The following B4GALT6 variants were observed in gnomAD, a reference collection of about 807,000 sequenced individuals.
B4GALT6 encodes the protein UDP-Gal:beta-GlcNAc beta-1,4-galactosyltransferase 6.
Under a neutral mutation model 46.3 loss-of-function variants are expected in B4GALT6, and 14 were observed. That is an observed-to-expected ratio of 0.30 (90% CI 0.20 to 0.47). The LOEUF (loss-of-function observed/expected upper bound fraction) is 0.47, where lower values mean the gene tolerates loss of function less well. Among genes scored for constraint, B4GALT6 ranks in the 20% least tolerant of loss-of-function variants. The probability of loss-of-function intolerance (pLI) is 0.99; values close to 1 mark genes in which losing one functional copy is unlikely to be tolerated. For synonymous variants in B4GALT6, 168 were observed against 162.0 expected, an observed-to-expected ratio of 1.04 and a Z score of -0.28; for missense variants, 386 against 480.1, an observed-to-expected ratio of 0.80 and a Z score of 1.83.
intron 2 of B4GALT6, among the ~76,000 whole-genome samples, chr18:31,661,562 A>C (rs1442414146): frequency 6.6e-6 from 1 of 152,182 alleles, no homozygotes; most frequent in African/African-American, 2.4e-5. Context: ...ACACACACAC[A>C]GAGTTCATAT....
At chr18:31,669,396 T>C (rs560607625) in intron 1 of B4GALT6, among the ~76,000 whole-genome samples, 3 of 152,348 alleles carry the variant, frequency 2.0e-5, no homozygotes, top group African/African-American at 7.2e-5. Context: ...CTTTTATTTT[T>C]ATAAGACTTG....
At chr18:31,654,261 C>A (rs1243692634) in intron 3 of B4GALT6, among the ~76,000 whole-genome samples, 1 of 152,200 alleles carries the variant, frequency 6.6e-6, no homozygotes, top group Non-Finnish European at 1.5e-5. Context: ...TTGACATTTT[C>A]CATTTCTACC....
chr18:31,664,530 T>TC (rs570607284), intron 2 of B4GALT6, among the ~76,000 whole-genome samples: 1 of 83,460 alleles, frequency 1.2e-5, no homozygotes, highest in Non-Finnish European at 2.1e-5. Context: ...AGGATTTTCC[T>TC]TTTTTTTTTT....
At chr18:31,691,571 GT>G in the B4GALT6 span, among the ~76,000 whole-genome samples, 4 of 152,094 alleles carry the variant, frequency 2.6e-5, no homozygotes, top group East Asian at 5.8e-4. Flanking sequence ...ACAGAGTATA[GT>G]TTTTAATGAA....
intron 4 of B4GALT6, 97 bp downstream of exon 4, chr18:31,645,258 G>A (rs1406168514): frequency 3.3e-6 from 5 of 1,494,160 alleles, no homozygotes; most frequent in Non-Finnish European, 4.6e-6. Flanking sequence ...AATTTATCAA[G>A]ACTTAAAGAC....
upstream of B4GALT6, among the ~76,000 whole-genome samples, chr18:31,688,884 C>T (rs2144774289): frequency 6.6e-6 from 1 of 152,300 alleles, no homozygotes; most frequent in South Asian, 2.1e-4. Flanking sequence ...TATCTTCACA[C>T]ACATTATTTT....
intron 2 of B4GALT6, among the ~76,000 whole-genome samples, chr18:31,665,223 A>C (rs1362003192): frequency 1.3e-5 from 2 of 152,232 alleles, no homozygotes; most frequent in Non-Finnish European, 2.9e-5. Flanking sequence ...TGAGACCATA[A>C]AGGGTACAAC....
intron 4 of B4GALT6, among the ~76,000 whole-genome samples, chr18:31,641,701 T>C (rs2073932683): frequency 6.6e-6 from 1 of 152,224 alleles, no homozygotes; most frequent in Non-Finnish European, 1.5e-5. Flanking sequence ...AAACAACACT[T>C]CATCCTCCTG....
chr18:31,637,820 C>T lies in B4GALT6; in HGVS notation c.588+824G>A, dbSNP rs118105679. Among the ~76,000 whole-genome samples, 95 of 152,262 alleles carry T rather than the reference C, an allele frequency of 6.2e-4. 2 individuals carry two copies. The East Asian group carries it at 0.012, about 19-fold the overall frequency. On this transcript the variant is annotated intron_variant, in intron 5 of 8. Transcript: ENST00000306851. ...TGCGAATATAACCAAGGTAACTGTA[C>T]GGTGCTTTGGTATAATTTAGAAAAG...
upstream of B4GALT6, among the ~76,000 whole-genome samples, chr18:31,688,258 T>TACATATATGTATATATATAC (rs2029995508): frequency 6.7e-6 from 1 of 148,598 alleles, no homozygotes; most frequent in Non-Finnish European, 1.5e-5. Flanking sequence ...TATATATATA[T>TACATATATGTATATATATAC]ACATATATAT....
the B4GALT6 span, among the ~76,000 whole-genome samples, chr18:31,715,717 ATT>A: frequency 6.9e-6 from 1 of 144,586 alleles, no homozygotes; most frequent in Admixed American, 6.9e-5. Context: ...CACCTGGCTA[ATT>A]TTTTTTTTTT....
At chr18:31,687,322 G>T (rs966277948), upstream of B4GALT6, among the ~76,000 whole-genome samples, 2 of 152,202 alleles carry the variant, frequency 1.3e-5, no homozygotes, top group African/African-American at 4.8e-5. Flanking sequence ...TCTCCTTGCA[G>T]TCACTCTCTG....
chr18:31,669,042 C>T (rs904797737), intron 1 of B4GALT6, among the ~76,000 whole-genome samples: 1 of 150,716 alleles, frequency 6.6e-6, no homozygotes, highest in African/African-American at 2.4e-5. Context: ...AAGTTGTAAT[C>T]AGACACCTGT....
upstream of B4GALT6, among the ~76,000 whole-genome samples, chr18:31,690,063 T>C (rs2030059250): frequency 6.6e-6 from 1 of 152,188 alleles, no homozygotes; most frequent in South Asian, 2.1e-4. Flanking sequence ...CTTGACACAG[T>C]TCAAAAGAAT....
chr18:31,635,436 T>C (rs887048039), intron 5 of B4GALT6, among the ~76,000 whole-genome samples: 3 of 152,178 alleles, frequency 2.0e-5, no homozygotes, highest in East Asian at 1.9e-4. Flanking sequence ...ACAGTACAGA[T>C]TGTTACATTA....
At chr18:31,702,711 G>A in the B4GALT6 span, among the ~76,000 whole-genome samples, 1 of 152,222 alleles carries the variant, frequency 6.6e-6, no homozygotes, top group Non-Finnish European at 1.5e-5. Flanking sequence ...TGGAAGAAGA[G>A]AGTAGCTGGA....
At chr18:31,629,676 C>A (rs1322170475) in intron 6 of B4GALT6, among the ~76,000 whole-genome samples, 1 of 149,122 alleles carries the variant, frequency 6.7e-6, no homozygotes, top group Non-Finnish European at 1.5e-5. Flanking sequence ...AGTGAAACCC[C>A]GTCTCTACTA....
chr18:31,659,173 G>A (rs1385938267), intron 2 of B4GALT6, among the ~76,000 whole-genome samples: 6 of 152,180 alleles, frequency 3.9e-5, no homozygotes, highest in African/African-American at 1.4e-4. Flanking sequence ...AGACACTTTA[G>A]GAAAATGTGA....
intron 3 of B4GALT6, among the ~76,000 whole-genome samples, chr18:31,651,649 G>T (rs967955422): frequency 6.6e-6 from 1 of 152,040 alleles, no homozygotes; most frequent in Non-Finnish European, 1.5e-5. Context: ...AGGGGAGGAG[G>T]CATTCCTGAG....
Sources: allele counts gnomAD v4.1 joint callset (sites outside exome capture counted in the v4.1 genomes callset), GRCh38; gene constraint gnomAD v4.1.1; transcripts MANE v1.5; gene names NCBI Gene and HGNC (gene_info 2026-07-23, HGNC 2026-07-21).